Variants in NFIA observed in about 807,000 individuals in gnomAD.
The protein encoded by NFIA is nuclear factor 1 A-type.
In NFIA, 8 loss-of-function variants were observed where a neutral mutation model predicts 62.8. The ratio of observed to expected loss-of-function variants is 0.13; its 90% CI spans 0.07 to 0.23. The LOEUF is 0.23. Among genes scored for constraint, NFIA ranks in the 10% least tolerant of loss-of-function variants. NFIA has a pLI of 1.00. For synonymous variants in NFIA, 235 were observed against 238.1 expected (o/e 0.99, Z 0.12); for missense variants, 410 against 642.1 (o/e 0.64, Z 3.91).
At chr1:61,319,332 G>A (rs1469687385) in intron 3 of NFIA, among the ~76,000 whole-genome samples, 3 of 152,096 alleles carry the variant, frequency 2.0e-5, no homozygotes, top group Non-Finnish European at 4.4e-5. Flanking sequence ...TGTTTGTGTA[G>A]TAGCAGGAAT....
chr1:61,149,531 A>G (rs557225567), intron 2 of NFIA, among the ~76,000 whole-genome samples: 1 of 152,312 alleles, frequency 6.6e-6, no homozygotes, highest in South Asian at 2.1e-4. Flanking sequence ...CAGAAGAGCC[A>G]GTTATTGGTA....
chr1:61,393,737 ACTG>A (rs1665129253), intron 7 of NFIA, among the ~76,000 whole-genome samples: 1 of 152,096 alleles, frequency 6.6e-6, no homozygotes, highest in Non-Finnish European at 1.5e-5. Flanking sequence ...GGGGTGAAGA[ACTG>A]CTGGGCAGGC....
At chr1:61,174,964 G>T (rs1358189492) in intron 2 of NFIA, among the ~76,000 whole-genome samples, 2 of 151,990 alleles carry the variant, frequency 1.3e-5, no homozygotes, top group Non-Finnish European at 2.9e-5. Context: ...GCTAGAACAT[G>T]CTTAGATTTT....
intron 2 of NFIA, among the ~76,000 whole-genome samples, chr1:61,155,783 C>G (rs1648776325): frequency 6.6e-6 from 1 of 151,660 alleles, no homozygotes; most frequent in African/African-American, 2.4e-5. Context: ...TTCACAAACT[C>G]ATATTGGCAT....
At chr1:61,125,854 G>A (rs1243607928) in intron 2 of NFIA, among the ~76,000 whole-genome samples, 1 of 152,146 alleles carries the variant, frequency 6.6e-6, no homozygotes, top group Non-Finnish European at 1.5e-5. Context: ...AGGTCATGAT[G>A]TCTAGCCACC....
intron 5 of NFIA, among the ~76,000 whole-genome samples, chr1:61,358,532 C>G (rs1663101265): frequency 6.6e-6 from 1 of 151,682 alleles, no homozygotes; most frequent in Admixed American, 6.6e-5. Flanking sequence ...ATTACAGGTG[C>G]CTGCCACCAC....
chr1:61,438,572 T>C (rs1667434970), intron 10 of NFIA, among the ~76,000 whole-genome samples: 2 of 152,182 alleles, frequency 1.3e-5, no homozygotes, highest in Non-Finnish European at 2.9e-5. Flanking sequence ...TGGAATGATA[T>C]TTATGTATTA....
At chr1:61,302,824 T>A (rs1431055466) in intron 3 of NFIA, among the ~76,000 whole-genome samples, 1 of 152,226 alleles carries the variant, frequency 6.6e-6, no homozygotes, top group Admixed American at 6.5e-5. Flanking sequence ...AATTAGATTG[T>A]ATGTTTATAA....
chr1:61,131,316 A>G (rs552000579), intron 2 of NFIA, among the ~76,000 whole-genome samples: 1 of 152,226 alleles, frequency 6.6e-6, no homozygotes, highest in Non-Finnish European at 1.5e-5. Context: ...AATTAATGTT[A>G]TAATTAAAAA....
At chr1:61,124,498 C>A (rs1191276033) in intron 2 of NFIA, among the ~76,000 whole-genome samples, 2 of 152,116 alleles carry the variant, frequency 1.3e-5, no homozygotes, top group Non-Finnish European at 2.9e-5. Context: ...TTTTGACATG[C>A]AAGAGGAGCA....
intron 3 of NFIA, among the ~76,000 whole-genome samples, chr1:61,312,179 G>A (rs1338145973): frequency 6.6e-6 from 1 of 152,224 alleles, no homozygotes. Flanking sequence ...GTAGACTTGT[G>A]AGTGCACAGT....
At chr1:61,439,069 A>G (rs1667462043) in intron 10 of NFIA, among the ~76,000 whole-genome samples, 1 of 151,460 alleles carries the variant, frequency 6.6e-6, no homozygotes, top group Non-Finnish European at 1.5e-5. Flanking sequence ...TCTAGTCCAG[A>G]AGCTCCACAC....
intron 4 of NFIA, among the ~76,000 whole-genome samples, chr1:61,349,872 C>A (rs1005311032): frequency 6.6e-6 from 1 of 152,120 alleles, no homozygotes; most frequent in Non-Finnish European, 1.5e-5. Context: ...TGATTATAGG[C>A]GTGAGCCACC....
intron 2 of NFIA, among the ~76,000 whole-genome samples, chr1:61,185,576 T>A (rs925181689): frequency 6.6e-6 from 1 of 152,140 alleles, no homozygotes; most frequent in East Asian, 1.9e-4. Context: ...ACTTGTTGCA[T>A]TGGCCTGCAA....
chr1:61,379,752 T>G (rs1664326227), intron 6 of NFIA, among the ~76,000 whole-genome samples: 1 of 152,034 alleles, frequency 6.6e-6, no homozygotes. Flanking sequence ...AAGGTCTCAC[T>G]ATATTGTCCA....
At position 61,313,527 on chromosome 1, in the gene NFIA, GC is replaced by G. The variant is rs1356826356; in HGVS notation, c.626-18980del. On this transcript the variant is annotated intron_variant, in intron 3 of 10. Transcript: ENST00000403491. ...GCACTGTTTCATTCATGAGAAATCT[GC>G]CCCCATGATTCAATCACCTCCCACC... Among the ~76,000 whole-genome samples the G allele has an allele frequency of 3.9e-5, 6 of 152,102 alleles. No individual in the cohort carries two copies. The East Asian group carries it at 9.7e-4, about 25-fold the overall frequency.
chr1:61,300,892 G>A (rs992877881), intron 3 of NFIA, among the ~76,000 whole-genome samples: 1 of 151,902 alleles, frequency 6.6e-6, no homozygotes, highest in East Asian at 1.9e-4. Flanking sequence ...TGAGAATTAG[G>A]AAATACATAA....
intron 2 of NFIA, among the ~76,000 whole-genome samples, chr1:61,155,427 A>C (rs1648730130): frequency 6.6e-6 from 1 of 150,556 alleles, no homozygotes; most frequent in Non-Finnish European, 1.5e-5. Flanking sequence ...TAATCCCAGC[A>C]CTTTGGGAGG....
chr1:61,284,864 T>A (rs1232230882), intron 3 of NFIA, among the ~76,000 whole-genome samples: 1 of 152,128 alleles, frequency 6.6e-6, no homozygotes, highest in African/African-American at 2.4e-5. Flanking sequence ...TTGCTGGTCC[T>A]CAAATTCGTT....
Sources: gnomAD v4.1 joint callset for allele counts (sites outside exome capture counted in the v4.1 genomes callset) on GRCh38, gnomAD v4.1.1 for gene constraint, MANE v1.5 for transcripts, NCBI Gene and HGNC (gene_info 2026-07-23, HGNC 2026-07-21) for gene names.